The following MGAT5 variants were observed in gnomAD, a reference collection of about 807,000 sequenced individuals.
MGAT5 encodes alpha-1,6-mannosylglycoprotein 6-beta-N-acetylglucosaminyltransferase, also known as alpha-1,6-mannosylglycoprotein 6-beta-N-acetylglucosaminyltransferase A.
Under a neutral mutation model 94.3 loss-of-function variants are expected in MGAT5, and 30 were observed. The observed-to-expected ratio is 0.32, with a 90% CI of 0.24 to 0.43. The LOEUF is 0.43. Ranked by LOEUF, MGAT5 falls within the 20% of genes least tolerant of loss-of-function variation. The probability of loss-of-function intolerance (pLI) is 1.00; values close to 1 mark genes in which losing one functional copy is unlikely to be tolerated. For synonymous variants in MGAT5, 310 were observed against 322.9 expected, an observed-to-expected ratio of 0.96 and a Z score of 0.43; for missense variants, 691 against 905.5, an observed-to-expected ratio of 0.76 and a Z score of 3.04.
intron 1 of MGAT5, among the ~76,000 whole-genome samples, chr2:134,199,592 T>C (rs981614235): frequency 5.9e-5 from 9 of 152,270 alleles, no homozygotes; most frequent in African/African-American, 1.9e-4. Context: ...TAGAAAACAG[T>C]GATCTTTGCC....
intron 1 of MGAT5, among the ~76,000 whole-genome samples, chr2:134,260,007 G>C (rs1245172346): frequency 6.6e-6 from 1 of 152,134 alleles, no homozygotes; most frequent in Non-Finnish European, 1.5e-5. Flanking sequence ...GGAGCAGCCA[G>C]GTACAGTGGA....
chr2:134,289,223 G>T (rs1166127349), intron 2 of MGAT5, among the ~76,000 whole-genome samples: 3 of 152,114 alleles, frequency 2.0e-5, no homozygotes, highest in African/African-American at 7.2e-5. Context: ...TGCTCGGCAG[G>T]ACTGCTCTTC....
chr2:134,434,383 G>T (rs1007440919), intron 14 of MGAT5, among the ~76,000 whole-genome samples: 1 of 152,196 alleles, frequency 6.6e-6, no homozygotes, highest in Non-Finnish European at 1.5e-5. Flanking sequence ...GGAAATTTCA[G>T]GATAGTCAAG....
intron 1 of MGAT5, among the ~76,000 whole-genome samples, chr2:134,156,372 GTC>G (rs1477122526): frequency 6.6e-6 from 1 of 152,122 alleles, no homozygotes. Flanking sequence ...GTTCGTCCAG[GTC>G]TCTGTCTGTT....
chr2:134,376,024 T>G (rs1558836903), intron 10 of MGAT5, among the ~76,000 whole-genome samples: 1 of 152,182 alleles, frequency 6.6e-6, no homozygotes, highest in Non-Finnish European at 1.5e-5. Flanking sequence ...TAGAGCAATG[T>G]ACAGCCCTGT....
At chr2:134,372,839 A>G (rs1306131466) in intron 10 of MGAT5, among the ~76,000 whole-genome samples, 1 of 152,200 alleles carries the variant, frequency 6.6e-6, no homozygotes, top group African/African-American at 2.4e-5. Context: ...TGAGAAGAAA[A>G]CATACAAGAC....
At chr2:134,359,554 A>G (rs1454976280) in intron 9 of MGAT5, among the ~76,000 whole-genome samples, 1 of 152,212 alleles carries the variant, frequency 6.6e-6, no homozygotes, top group Non-Finnish European at 1.5e-5. Flanking sequence ...ACATTTGTTT[A>G]TCTTCTGGGA....
At chr2:134,204,235 A>C (rs1346663423) in intron 1 of MGAT5, among the ~76,000 whole-genome samples, 7 of 152,190 alleles carry the variant, frequency 4.6e-5, no homozygotes, top group Admixed American at 4.6e-4. Context: ...AGGATGGTGC[A>C]GTCACGTATT....
intron 8 of MGAT5, among the ~76,000 whole-genome samples, chr2:134,347,596 A>T (rs954731012): frequency 1.3e-5 from 2 of 152,212 alleles, no homozygotes; most frequent in African/African-American, 4.8e-5. Context: ...CTGAAGGAAA[A>T]AGATAACAAT....
chr2:134,381,356 TAGATAGATAGATA>T (rs1304266112), intron 10 of MGAT5, among the ~76,000 whole-genome samples: 3 of 81,488 alleles, frequency 3.7e-5, no homozygotes, highest in Admixed American at 1.3e-4. Context: ...GATAGATAGA[TAGATAGATAGATA>T]AGATAAGATA....
intron 1 of MGAT5, among the ~76,000 whole-genome samples, chr2:134,261,987 C>G (rs62165735): frequency 0.069 from 10,521 of 152,232 alleles, 472 homozygotes; most frequent in East Asian, 0.15. Context: ...ACATGGGAAC[C>G]ATTGTTTATT....
At chr2:134,391,588 G>A (rs571799317) in intron 10 of MGAT5, among the ~76,000 whole-genome samples, 1 of 152,196 alleles carries the variant, frequency 6.6e-6, no homozygotes, top group South Asian at 2.1e-4. Flanking sequence ...TCTTAAAAGG[G>A]CACTATTCCT....
At chr2:134,356,503 A>T (rs1679750933) in intron 9 of MGAT5, among the ~76,000 whole-genome samples, 3 of 152,072 alleles carry the variant, frequency 2.0e-5, no homozygotes, top group African/African-American at 7.2e-5. Flanking sequence ...CATCTGTGGG[A>T]TGTCTAAGTC....
In MGAT5 at chr2:134,152,871, A is replaced by C. The variant is rs76525188; in HGVS notation, c.-143+32580A>C. Reference sequence around the variant, plus strand: ...AACTTGTCAAAAGGGGAGATCTCTAAGCATACCCTTTCCAGGCATGGAGTC... The same window carrying C: ...AACTTGTCAAAAGGGGAGATCTCTACGCATACCCTTTCCAGGCATGGAGTC... On this transcript the variant is annotated intron_variant, in intron 1 of 16. Transcript: ENST00000409645. Among the ~76,000 whole-genome samples, 1,085 of 151,198 alleles carry C rather than the reference A, an allele frequency of 7.2e-3. 17 individuals are homozygous for C. Among genetic ancestry groups the C allele is most frequent in the African/African-American group, 0.025 (1,021 of 41,100 alleles).
intron 1 of MGAT5, among the ~76,000 whole-genome samples, chr2:134,170,855 C>CTT (rs112717170): frequency 0.043 from 6,306 of 145,852 alleles, 384 homozygotes; most frequent in African/African-American, 0.13. Flanking sequence ...GATCTCTACT[C>CTT]TTTTTTTTTT....
chr2:134,325,477 G>C (rs967594843), intron 4 of MGAT5, among the ~76,000 whole-genome samples: 1 of 152,012 alleles, frequency 6.6e-6, no homozygotes, highest in Non-Finnish European at 1.5e-5. Flanking sequence ...TCCATAGCCG[G>C]TCTCATTTCA....
At chr2:134,325,475 C>T (rs998148305) in intron 4 of MGAT5, among the ~76,000 whole-genome samples, 20 of 152,140 alleles carry the variant, frequency 1.3e-4, no homozygotes, top group Admixed American at 7.9e-4. Flanking sequence ...AATCCATAGC[C>T]GGTCTCATTT....
chr2:134,345,204 A>G, intron 8 of MGAT5, 140 bp downstream of exon 8: 1 of 895,720 alleles, frequency 1.1e-6, no homozygotes, highest in Non-Finnish European at 1.6e-6. Context: ...TGAAATTCAG[A>G]TTCTCAGTGA....
rs1401301535 is a variant in MGAT5 at position 134,349,931 on chromosome 2, C to G, written c.1239C>G (p.Thr413=). Residue 413 remains threonine, a synonymous_variant, in exon 9 of 16, where the codon ACC becomes ACG. Coordinates refer to ENST00000281923, the MANE Select transcript of MGAT5 (RefSeq NM_002410.5). ...KWNLNPQQFY[T]MFPHTPDNSF... ...ATCTGAACCCTCAGCAGTTTTATAC[C>G]ATGTTCCGTGAGTATTCCTGTTTCA... The G allele has an allele frequency of 6.2e-7, 1 of 1,613,224 alleles. No homozygotes were observed.
Sources: allele counts gnomAD v4.1 joint callset (sites outside exome capture counted in the v4.1 genomes callset), GRCh38; gene constraint gnomAD v4.1.1; transcripts MANE v1.5; gene names NCBI Gene and HGNC (gene_info 2026-07-23, HGNC 2026-07-21).